Variants in PLIN3 observed in about 807,000 individuals in gnomAD.
PLIN3 encodes perilipin 3.
In PLIN3, 30 loss-of-function variants were observed where a neutral mutation model predicts 35.9. The observed-to-expected ratio is 0.84, with a 90% CI of 0.62 to 1.13. The LOEUF is 1.13. Ranked by LOEUF, PLIN3 falls within the 50% of genes most tolerant of loss-of-function variation. The pLI is 0.00. For missense variants in PLIN3, 603 were observed against 596.9 expected (o/e 1.01, Z -0.11); for synonymous variants, 261 against 262.5 (o/e 0.99, Z 0.06).
intron 7 of PLIN3, 28 bp from the exon 8 acceptor site, chr19:4,839,564 A>G (rs1568371168): frequency 4.1e-6 from 6 of 1,469,152 alleles, no homozygotes; most frequent in Non-Finnish European, 5.4e-6. Flanking sequence ...GACACCAATC[A>G]GGACCATTTG....
Position 4,855,380 on chromosome 19 carries a change from A to C in PLIN3, c.349-3079T>G, listed in dbSNP as rs182260511. Among the ~76,000 whole-genome samples, 591 of 152,168 alleles carry C rather than the reference A, an allele frequency of 3.9e-3. 1 individual carries two copies. The highest frequency in any genetic ancestry group is 0.013 in the African/African-American group (544 of 41,528). ...CCTCCTACGCTATCAGTGGGAGAGA[A>C]AGGGAAGCAAGGGCTTGGCCCTGAG... On this transcript the variant is annotated intron_variant, in intron 4 of 7. Coordinates refer to ENST00000221957, the MANE Select transcript of PLIN3 (RefSeq NM_005817.5).
intron 3 of PLIN3, 63 bp from the exon 4 acceptor site, chr19:4,859,735 G>A (rs755409894): frequency 3.7e-6 from 6 of 1,600,412 alleles, no homozygotes; most frequent in Non-Finnish European, 4.3e-6. Context: ...TGGTTCAGGG[G>A]GACAGGACCA....
chr19:4,844,644 AC>A (rs1459960605), intron 7 of PLIN3, 23 bp downstream of exon 7: 1 of 1,505,094 alleles, frequency 6.6e-7, no homozygotes. Flanking sequence ...ACCCTAGGCC[AC>A]CCCCCAGTCC....
At chr19:4,847,601 G>A in intron 6 of PLIN3, 90 bp downstream of exon 6, 2 of 1,085,938 alleles carry the variant, frequency 1.8e-6, no homozygotes, top group South Asian at 2.7e-5. Context: ...AGCCTGCAGA[G>A]GGGTGAGCAA....
At chr19:4,856,291 G>T (rs1364610923) in intron 4 of PLIN3, among the ~76,000 whole-genome samples, 1 of 152,090 alleles carries the variant, frequency 6.6e-6, no homozygotes, top group African/African-American at 2.4e-5. Flanking sequence ...GGGCGCGGTG[G>T]CTCACACCTG....
chr19:4,842,999 T>A (rs1326435591), intron 7 of PLIN3, among the ~76,000 whole-genome samples: 2 of 151,804 alleles, frequency 1.3e-5, no homozygotes, highest in Non-Finnish European at 2.9e-5. Context: ...TGTGGGCGGA[T>A]CACCTGCGGT....
intron 5 of PLIN3, among the ~76,000 whole-genome samples, chr19:4,848,203 C>T (rs1188287984): frequency 6.6e-6 from 1 of 152,082 alleles, no homozygotes; most frequent in African/African-American, 2.4e-5. Flanking sequence ...AGGCTGGTCT[C>T]GAACTCCTGA....
intron 6 of PLIN3, among the ~76,000 whole-genome samples, chr19:4,846,318 GAA>G (rs35248667): frequency 0.24 from 33,006 of 138,386 alleles, 4,042 homozygotes; most frequent in East Asian, 0.35. Context: ...CCTGTCTCTG[GAA>G]AAAAAAAAAA....
At chr19:4,848,279 T>G (rs2030175228) in intron 5 of PLIN3, among the ~76,000 whole-genome samples, 1 of 152,166 alleles carries the variant, frequency 6.6e-6, no homozygotes, top group African/African-American at 2.4e-5. Flanking sequence ...CCACCACACC[T>G]GGCCATGCTG....
chr19:4,865,873 G>A (rs960621228), intron 1 of PLIN3, among the ~76,000 whole-genome samples: 3 of 151,496 alleles, frequency 2.0e-5, no homozygotes, highest in Non-Finnish European at 1.5e-5. Context: ...ACAGGCGCCC[G>A]CCACCACGCC....
chr19:4,854,570 AT>A (rs1211356173), intron 4 of PLIN3, among the ~76,000 whole-genome samples: 1 of 151,752 alleles, frequency 6.6e-6, no homozygotes, highest in Non-Finnish European at 1.5e-5. Context: ...CGGCCGGCTA[AT>A]TTTTTGTATT....
At chr19:4,859,398 T>C (rs1282805551) in intron 4 of PLIN3, among the ~76,000 whole-genome samples, 192 bp downstream of exon 4, 1 of 152,104 alleles carries the variant, frequency 6.6e-6, no homozygotes, top group Non-Finnish European at 1.5e-5. Flanking sequence ...TGCAGGCGCC[T>C]GTAATCTGGC....
chr19:4,864,275 C>T (rs928826195), intron 1 of PLIN3, among the ~76,000 whole-genome samples: 2 of 151,534 alleles, frequency 1.3e-5, no homozygotes, highest in African/African-American at 4.8e-5. Flanking sequence ...GCCTCAGCCT[C>T]CTGAGTAGCT....
At chr19:4,844,633 TACCCTA>T in intron 7 of PLIN3, 29 bp downstream of exon 7, 1 of 1,532,642 alleles carries the variant, frequency 6.5e-7, no homozygotes, top group Non-Finnish European at 8.7e-7. Context: ...GGACTCCAAG[TACCCTA>T]GGCCACCCCC....
chr19:4,856,637 T>C lies in PLIN3; in HGVS notation c.348+2953A>G, dbSNP rs1296083565. 2.0e-5 allele frequency among the ~76,000 whole-genome samples: 3 copies of C among 151,810 alleles called. No homozygotes were observed. In the East Asian group the frequency reaches 5.8e-4, roughly 29 times the overall value. On this transcript the variant is annotated intron_variant, in intron 4 of 7. Coordinates refer to ENST00000221957, the MANE Select transcript of PLIN3 (RefSeq NM_005817.5). ...GGACACAGCCACAAAGCAGGCAGCCTGTGCCCTGGTCCCAGCTGGGGAGAC... is the reference window on the plus strand; with the variant it reads ...GGACACAGCCACAAAGCAGGCAGCCCGTGCCCTGGTCCCAGCTGGGGAGAC...
chr19:4,844,171 T>G (rs1262828299), intron 7 of PLIN3, among the ~76,000 whole-genome samples: 1 of 151,860 alleles, frequency 6.6e-6, no homozygotes, highest in Non-Finnish European at 1.5e-5. Context: ...TAGTCAGAAG[T>G]TGCTGCTAGG....
Position 4,851,999 on chromosome 19 carries a change from C to T in PLIN3, c.634+17G>A, listed in dbSNP as rs746340457. ...GCCTGGGGAGGGGTCCCAGAGCAGCCCGCTGGCCACACTTACCCAGTTCGG... is the reference window on the plus strand; with the variant it reads ...GCCTGGGGAGGGGTCCCAGAGCAGCTCGCTGGCCACACTTACCCAGTTCGG... On this transcript the variant is annotated intron_variant, in intron 5 of 7. Transcript: ENST00000221957. 1 of 1,606,410 alleles carries T rather than the reference C, an allele frequency of 6.2e-7. No homozygotes were observed. Among genetic ancestry groups the T allele is most frequent in the Admixed American group, 1.7e-5 (1 of 59,674 alleles).
At chr19:4,866,003 G>T (rs552434542) in intron 1 of PLIN3, among the ~76,000 whole-genome samples, 70 of 148,960 alleles carry the variant, frequency 4.7e-4, no homozygotes, top group Non-Finnish European at 7.9e-4. Context: ...GATTACAGGC[G>T]TGAGCCACCA....
chr19:4,859,526 C>T (rs2030592886), intron 4 of PLIN3, 64 bp downstream of exon 4: 1 of 1,367,654 alleles, frequency 7.3e-7, no homozygotes, highest in Non-Finnish European at 1.0e-6. Context: ...AAGCTGGGAC[C>T]AGCGCACTCC....
Sources: allele counts gnomAD v4.1 joint callset (sites outside exome capture counted in the v4.1 genomes callset), GRCh38; gene constraint gnomAD v4.1.1; transcripts MANE v1.5; gene names NCBI Gene and HGNC (gene_info 2026-07-23, HGNC 2026-07-21).